The following AXDND1 variants were observed in gnomAD, a reference collection of about 807,000 sequenced individuals.
AXDND1 encodes the protein axonemal dynein light chain domain containing 1.
AXDND1 carries 110 observed loss-of-function variants against 137.5 expected under a neutral mutation model. The observed-to-expected ratio is 0.80, with a 90% CI of 0.69 to 0.94. The LOEUF (loss-of-function observed/expected upper bound fraction) is 0.94. Among genes scored for constraint, AXDND1 ranks in the 40% least tolerant of loss-of-function variants. The pLI is 0.00. For synonymous variants in AXDND1, 414 were observed against 399.7 expected (o/e 1.04, Z -0.43); for missense variants, 1,191 against 1,169.8 (o/e 1.02, Z -0.26).
At chr1:179,528,056 C>A (rs1293173702) in intron 22 of AXDND1, among the ~76,000 whole-genome samples, 2 of 152,162 alleles carry the variant, frequency 1.3e-5, no homozygotes. Flanking sequence ...ATTTTATTAT[C>A]TATCTCTCCT....
chr1:179,459,260 G>T (rs1558210177), intron 16 of AXDND1, among the ~76,000 whole-genome samples: 1 of 152,082 alleles, frequency 6.6e-6, no homozygotes, highest in Non-Finnish European at 1.5e-5. Context: ...CTGAGTAGCT[G>T]GGACTACAGG....
In AXDND1 at chr1:179,509,363, CATT is replaced by C. The variant is rs751275623; in HGVS notation, c.2460_2462del (p.Leu821del). 6.2e-7 allele frequency: 1 copy of C among 1,612,100 alleles called. No homozygotes were observed. Among genetic ancestry groups the C allele is most frequent in the African/African-American group, 1.3e-5 (1 of 74,964 alleles). On this transcript the variant is annotated inframe_deletion, in exon 21 of 26. Coordinates refer to ENST00000367618, the MANE Select transcript of AXDND1 (RefSeq NM_144696.6). ...TCTAATATCAAAGGCAGAAAAATTA[CATT>C]ATTGACATATGAAGAAATAGAGCGG...
At position 179,534,851 on chromosome 1, in the gene AXDND1, T is replaced by A; in HGVS notation, c.2920T>A (p.Ser974Thr). The A allele has an allele frequency of 6.2e-7, 1 of 1,610,432 alleles. No homozygotes were observed. Residue 974 changes from serine (S) to threonine (T), a missense_variant, in exon 25 of 26, where the codon TCT (serine) becomes ACT (threonine). Physicochemically the swap from Ser to Thr is moderately conservative, Grantham distance 58. Coordinates refer to ENST00000367618, the MANE Select transcript of AXDND1 (RefSeq NM_144696.6). Reference protein sequence around the residue: ...EELVMTSRKESKEEKENQDER... With the variant: ...EELVMTSRKETKEEKENQDER... ...ATTAGTCATGACATCAAGAAAGGAG[T>A]CTAAAGAAGAGAAAGAAAATCAAGA...
Position 179,391,111 on chromosome 1 carries a change from C to CTTCT in AXDND1, c.864-2790_864-2789insCTTT, listed in dbSNP as rs1330789690. On this transcript the variant is annotated intron_variant, in intron 9 of 25. Coordinates refer to ENST00000367618, the MANE Select transcript of AXDND1 (RefSeq NM_144696.6). The stretch of plus-strand genomic sequence containing the variant: ...GTGAGCCACTGAGGCCAGACTTCTT[C>CTTCT]TTTTTTTTTTTTTTTTCCTATATTG... Among the ~76,000 whole-genome samples the CTTCT allele has an allele frequency of 8.4e-3, 1,075 of 127,886 alleles. 47 individuals are homozygous for CTTCT. The highest frequency in any genetic ancestry group is 0.069 in the Admixed American group (934 of 13,634). The allele number at this position is 127,886 out of a possible 152,430, so 83.9% of individuals were successfully genotyped here.
chr1:179,500,653 T>C (rs1286463575), intron 20 of AXDND1, among the ~76,000 whole-genome samples: 2 of 152,112 alleles, frequency 1.3e-5, no homozygotes, highest in Non-Finnish European at 2.9e-5. Context: ...TAGCCACATA[T>C]TGCTATTCAC....
intron 20 of AXDND1, among the ~76,000 whole-genome samples, chr1:179,496,195 G>T (rs1667431009): frequency 6.6e-6 from 1 of 151,860 alleles, no homozygotes. Flanking sequence ...TCTTTGTTTG[G>T]TTTTGATATC....
At chr1:179,392,264 T>C (rs1011911089) in intron 9 of AXDND1, among the ~76,000 whole-genome samples, 4 of 152,258 alleles carry the variant, frequency 2.6e-5, no homozygotes, top group Non-Finnish European at 4.4e-5. Flanking sequence ...TTTAGAATAA[T>C]GGTCTCAAAC....
intron 17 of AXDND1, among the ~76,000 whole-genome samples, chr1:179,472,839 A>G (rs1179950112): frequency 1.3e-5 from 2 of 152,106 alleles, no homozygotes; most frequent in African/African-American, 2.4e-5. Context: ...TTACTGTTAC[A>G]TATCTTTTCC....
At chr1:179,492,536 G>A (rs10913798) in intron 19 of AXDND1, among the ~76,000 whole-genome samples, 130,782 of 152,130 alleles carry the variant, frequency 0.86, 56,407 homozygotes, top group East Asian at 0.9. Context: ...TCTATTAACT[G>A]AGATGCAAGC....
chr1:179,542,315 G>A (rs1466915670), intron 25 of AXDND1, among the ~76,000 whole-genome samples: 1 of 152,070 alleles, frequency 6.6e-6, no homozygotes, highest in Admixed American at 6.5e-5. Flanking sequence ...TCTACTTTCC[G>A]TTTTTCTCTG....
chr1:179,517,036 A>G (rs112926936), intron 21 of AXDND1, among the ~76,000 whole-genome samples: 3,584 of 152,210 alleles, frequency 0.024, 125 homozygotes, highest in African/African-American at 0.08. Flanking sequence ...ATTTCTTCAT[A>G]TACCCTACCC....
At chr1:179,512,630 T>C (rs772388818) in intron 21 of AXDND1, among the ~76,000 whole-genome samples, 1 of 152,222 alleles carries the variant, frequency 6.6e-6, no homozygotes, top group African/African-American at 2.4e-5. Flanking sequence ...GGGGATTGCA[T>C]TGAATTTGTA....
At chr1:179,532,678 T>G (rs1671140444) in intron 23 of AXDND1, among the ~76,000 whole-genome samples, 1 of 150,172 alleles carries the variant, frequency 6.7e-6, no homozygotes, top group African/African-American at 2.5e-5. Flanking sequence ...AGGCCAAGAG[T>G]TCAAGACCAG....
At chr1:179,446,561 G>T (rs1659754563) in intron 16 of AXDND1, among the ~76,000 whole-genome samples, 2 of 152,128 alleles carry the variant, frequency 1.3e-5, no homozygotes, top group Non-Finnish European at 2.9e-5. Flanking sequence ...AGGTGATTCT[G>T]TTGCCAGTGG....
Position 179,395,205 on chromosome 1 carries a change from G to T in AXDND1, c.1109+3G>T. The T allele has an allele frequency of 6.2e-7, 1 of 1,610,582 alleles. No individual in the cohort carries two copies. Among genetic ancestry groups the T allele is most frequent in the South Asian group, 1.1e-5 (1 of 90,418 alleles). Reference sequence around the variant, plus strand: ...TTAAATGCGGAAAAGAATGCCAAGTGAGTTGCTTAAAGTTTGTTTAGCTTA... The same window carrying T: ...TTAAATGCGGAAAAGAATGCCAAGTTAGTTGCTTAAAGTTTGTTTAGCTTA... On this transcript the variant is annotated splice_donor_region_variant and intron_variant, in intron 11 of 25. Transcript: ENST00000367618.
At chr1:179,484,363 A>G (rs10798682) in intron 18 of AXDND1, among the ~76,000 whole-genome samples, 130,835 of 152,182 alleles carry the variant, frequency 0.86, 56,438 homozygotes, top group East Asian at 0.9. Context: ...GGAGACATTA[A>G]TCTTAGGGGA....
At chr1:179,544,472 G>C (rs1276444333) in intron 25 of AXDND1, 2 of 151,994 alleles carry the variant, frequency 1.3e-5, no homozygotes, top group African/African-American at 4.8e-5. Flanking sequence ...TGAAGAATTC[G>C]AGACCAGACT....
chr1:179,391,104 ACTT>A (rs963204674), intron 9 of AXDND1, among the ~76,000 whole-genome samples: 9 of 94,338 alleles, frequency 9.5e-5, no homozygotes, highest in South Asian at 7.2e-4. Context: ...CTGAGGCCAG[ACTT>A]CTTCTTTTTT....
chr1:179,436,085 GA>G (rs998533129), intron 15 of AXDND1, among the ~76,000 whole-genome samples: 18 of 150,128 alleles, frequency 1.2e-4, no homozygotes, highest in African/African-American at 3.2e-4. Flanking sequence ...CAAACATGAA[GA>G]AAAAAAAAGC....
Sources: gnomAD v4.1 joint callset for allele counts (sites outside exome capture counted in the v4.1 genomes callset) on GRCh38, gnomAD v4.1.1 for gene constraint, MANE v1.5 for transcripts, NCBI Gene and HGNC (gene_info 2026-07-23, HGNC 2026-07-21) for gene names.